KCNMB4: variants seen among roughly 807,000 people sequenced by gnomAD.
KCNMB4 encodes the protein potassium calcium-activated channel subfamily M regulatory beta subunit 4, also known as calcium-activated potassium channel subunit beta-4.
Under a neutral mutation model 20.7 loss-of-function variants are expected in KCNMB4, and 3 were observed. The observed-to-expected ratio is 0.14, with a 90% CI of 0.07 to 0.37. The LOEUF is 0.37. KCNMB4 is among the 10% of genes least tolerant of loss of function. The pLI is 1.00. For missense variants in KCNMB4, 168 were observed against 265.9 expected (o/e 0.63, Z 2.56); for synonymous variants, 110 against 113.4 (o/e 0.97, Z 0.19).
At chr12:70,373,207 CTGTAAG>C (rs1565852898) in intron 1 of KCNMB4, among the ~76,000 whole-genome samples, 1 of 152,094 alleles carries the variant, frequency 6.6e-6, no homozygotes, top group African/African-American at 2.4e-5. Context: ...CCCTCAAAAA[CTGTAAG>C]TGTCTTATGT....
intron 2 of KCNMB4, among the ~76,000 whole-genome samples, chr12:70,410,590 T>G (rs989400463): frequency 1.3e-5 from 2 of 152,218 alleles, no homozygotes; most frequent in African/African-American, 4.8e-5. Flanking sequence ...AGGATAGCAT[T>G]ACCCATCTTA....
At chr12:70,407,100 T>G (rs1868624986) in intron 2 of KCNMB4, among the ~76,000 whole-genome samples, 1 of 152,174 alleles carries the variant, frequency 6.6e-6, no homozygotes, top group Admixed American at 6.5e-5. Context: ...GTCCCAGCTA[T>G]CTACCTGTAC....
chr12:70,409,999 A>C (rs1351832054), intron 2 of KCNMB4, among the ~76,000 whole-genome samples: 2 of 152,220 alleles, frequency 1.3e-5, no homozygotes, highest in African/African-American at 4.8e-5. Flanking sequence ...CAGCTGCATC[A>C]GTCACCTCGA....
intron 2 of KCNMB4, among the ~76,000 whole-genome samples, chr12:70,406,131 G>T (rs1437832659): frequency 6.7e-6 from 1 of 148,738 alleles, no homozygotes; most frequent in Non-Finnish European, 1.5e-5. Flanking sequence ...CTGGGAGGAG[G>T]GGGTAACGGA....
chr12:70,419,652 G>A (rs566084506), intron 2 of KCNMB4, among the ~76,000 whole-genome samples: 42 of 152,296 alleles, frequency 2.8e-4, no homozygotes, highest in African/African-American at 9.9e-4. Context: ...TGAATATGCA[G>A]TTTAGAATTG....
In KCNMB4 at chr12:70,433,713, G is replaced by T. The variant is rs1869426094; in HGVS notation, c.*3060G>T. 6.6e-6 allele frequency: 1 copy of T among 152,278 alleles called. No individual in the cohort carries two copies. The highest frequency in any genetic ancestry group is 2.1e-4 in the South Asian group (1 of 4,836). The allele number at this position is 152,278 out of a possible 1,614,324, so 9.4% of individuals were successfully genotyped here. Reference sequence around the variant, plus strand: ...CATGCCGTGATAATCTGCTGAGCAGGCATGATGGAGATCCCTTGCCCAGCA... The same window carrying T: ...CATGCCGTGATAATCTGCTGAGCAGTCATGATGGAGATCCCTTGCCCAGCA... On this transcript the variant is annotated 3_prime_UTR_variant, in exon 3 of 3. Coordinates refer to ENST00000258111, the MANE Select transcript of KCNMB4 (RefSeq NM_014505.6).
Position 70,392,514 on chromosome 12 carries a change from A to G in KCNMB4, c.337-7695A>G, listed in dbSNP as rs112339668. Among the ~76,000 whole-genome samples the G allele has an allele frequency of 7.3e-3, 1,113 of 152,328 alleles. 7 individuals carry two copies. Among genetic ancestry groups the G allele is most frequent in the African/African-American group, 0.024 (993 of 41,580 alleles). ...TACCCAAAGGATTATAAATCATTCT[A>G]TAAAGACACATGCACACGTTTGTTT... On this transcript the variant is annotated intron_variant, in intron 1 of 2. Transcript: ENST00000258111.
intron 2 of KCNMB4, among the ~76,000 whole-genome samples, chr12:70,414,645 G>A (rs1241805788): frequency 6.6e-6 from 1 of 152,168 alleles, no homozygotes; most frequent in African/African-American, 2.4e-5. Context: ...TTAACGACAT[G>A]GCATGAGCTT....
intron 2 of KCNMB4, among the ~76,000 whole-genome samples, chr12:70,414,411 G>A (rs1323603487): frequency 1.3e-5 from 2 of 152,124 alleles, no homozygotes; most frequent in African/African-American, 4.8e-5. Context: ...AGAGACAACA[G>A]AGGCTTTAAG....
At chr12:70,399,497 A>T (rs963689842) in intron 1 of KCNMB4, among the ~76,000 whole-genome samples, 1 of 152,252 alleles carries the variant, frequency 6.6e-6, no homozygotes, top group Non-Finnish European at 1.5e-5. Flanking sequence ...CATCTTCGTC[A>T]TCGTTGTAAA....
chr12:70,417,962 G>A (rs1039085763), intron 2 of KCNMB4, among the ~76,000 whole-genome samples: 2 of 152,286 alleles, frequency 1.3e-5, no homozygotes, highest in African/African-American at 2.4e-5. Context: ...CAGCTAGCCC[G>A]TGTTGCTATG....
At chr12:70,413,718 C>G (rs1413088132) in intron 2 of KCNMB4, among the ~76,000 whole-genome samples, 2 of 152,186 alleles carry the variant, frequency 1.3e-5, no homozygotes, top group African/African-American at 4.8e-5. Flanking sequence ...GAAGTGTTTT[C>G]TGTTCTCTAC....
chr12:70,421,981 G>A (rs1197728689), intron 2 of KCNMB4, among the ~76,000 whole-genome samples: 1 of 151,802 alleles, frequency 6.6e-6, no homozygotes, highest in Non-Finnish European at 1.5e-5. Flanking sequence ...GGTAAGTGTG[G>A]GGAGAATAAA....
intron 1 of KCNMB4, among the ~76,000 whole-genome samples, chr12:70,395,509 T>C (rs977963418): frequency 6.6e-6 from 1 of 152,176 alleles, no homozygotes; most frequent in Non-Finnish European, 1.5e-5. Context: ...AATCCCATTG[T>C]GGTTGGCAGA....
intron 2 of KCNMB4, among the ~76,000 whole-genome samples, chr12:70,416,994 G>A (rs1868929195): frequency 6.6e-6 from 1 of 152,204 alleles, no homozygotes; most frequent in Non-Finnish European, 1.5e-5. Context: ...AGAAAGACAT[G>A]CAGCTGACTT....
intron 1 of KCNMB4, among the ~76,000 whole-genome samples, chr12:70,374,551 T>C (rs1246084521): frequency 6.6e-6 from 1 of 152,222 alleles, no homozygotes; most frequent in African/African-American, 2.4e-5. Context: ...AGTTGTAATA[T>C]CCTCTTCTAT....
intron 1 of KCNMB4, among the ~76,000 whole-genome samples, chr12:70,385,410 T>C (rs1868249429): frequency 1.3e-5 from 2 of 152,234 alleles, no homozygotes; most frequent in Admixed American, 6.5e-5. Context: ...GTCCCTGTGA[T>C]GTACTGAATA....
chr12:70,373,770 G>C (rs1401375811), intron 1 of KCNMB4, among the ~76,000 whole-genome samples: 1 of 152,146 alleles, frequency 6.6e-6, no homozygotes, highest in Non-Finnish European at 1.5e-5. Flanking sequence ...TATAATCCCA[G>C]CTACTTGGGA....
intron 2 of KCNMB4, chr12:70,422,758 C>T (rs954407738): frequency 1.7e-5 from 22 of 1,287,736 alleles, no homozygotes; most frequent in Non-Finnish European, 2.2e-5. Context: ...GCATCTCCGG[C>T]AGGGGTTATC....
Sources: allele counts gnomAD v4.1 joint callset (sites outside exome capture counted in the v4.1 genomes callset), GRCh38; gene constraint gnomAD v4.1.1; transcripts MANE v1.5; gene names NCBI Gene and HGNC (gene_info 2026-07-23, HGNC 2026-07-21).